The following DCN variants were observed in gnomAD, a reference collection of about 807,000 sequenced individuals.
DCN encodes bone proteoglycan II.
DCN carries 17 observed loss-of-function variants against 36.5 expected under a neutral mutation model. The ratio of observed to expected loss-of-function variants is 0.47; its 90% confidence interval spans 0.32 to 0.70. DCN has a LOEUF of 0.70. Among genes scored for constraint, DCN ranks in the 30% least tolerant of loss-of-function variants. The pLI, the probability that DCN is intolerant of heterozygous loss-of-function variation, is 0.04. For synonymous variants in DCN, 163 were observed against 161.4 expected (o/e 1.01, Z -0.07); for missense variants, 389 against 430.1 (o/e 0.90, Z 0.84).
chr12:91,166,869 G>T (rs184370164), intron 2 of DCN, among the ~76,000 whole-genome samples: 28 of 152,122 alleles, frequency 1.8e-4, no homozygotes, highest in African/African-American at 6.0e-4. Context: ...TCTACAACCT[G>T]CTCTGAATTA....
At chr12:91,148,115 C>G (rs532305955) in intron 7 of DCN, among the ~76,000 whole-genome samples, 4 of 150,332 alleles carry the variant, frequency 2.7e-5, no homozygotes, top group Non-Finnish European at 5.9e-5. Context: ...GCGCTGTTAT[C>G]CAGGCTGAAG....
At chr12:91,162,573 A>G (rs1882229954) in intron 3 of DCN, among the ~76,000 whole-genome samples, 1 of 152,186 alleles carries the variant, frequency 6.6e-6, no homozygotes, top group South Asian at 2.1e-4. Flanking sequence ...AGAATAAATA[A>G]GTAGATATGA....
At chr12:91,166,379 G>A (rs902332314) in intron 2 of DCN, among the ~76,000 whole-genome samples, 1 of 152,152 alleles carries the variant, frequency 6.6e-6, no homozygotes, top group African/African-American at 2.4e-5. Flanking sequence ...ACACTGTACA[G>A]TTGTAATCAC....
At chr12:91,162,798 A>C (rs1457550916) in intron 3 of DCN, among the ~76,000 whole-genome samples, 1 of 152,224 alleles carries the variant, frequency 6.6e-6, no homozygotes, top group Non-Finnish European at 1.5e-5. Flanking sequence ...GGATTCTGTC[A>C]TCTTGTAGTT....
At chr12:91,178,193 C>T (rs1465573250) in intron 2 of DCN, 149 bp downstream of exon 2, 59 of 701,414 alleles carry the variant, frequency 8.4e-5, no homozygotes, top group Non-Finnish European at 1.3e-4. Flanking sequence ...ACTTTTCTTT[C>T]TATCCTGTTC....
intron 2 of DCN, chr12:91,172,138 G>T (rs1269423909): frequency 6.7e-6 from 1 of 148,322 alleles, no homozygotes; most frequent in African/African-American, 2.6e-5. Context: ...AGACTAGTAA[G>T]AAATAGACTT....
rs1334588498 is a variant in DCN at position 91,145,688 on chromosome 12, T to C, written c.*370A>G. ...GCATTTGACTTTATCTCAAATGAGC[T>C]AACTGCTCAATGAATTACAGAAGAC... is the stretch of plus-strand genomic sequence containing the variant. On this transcript the variant is annotated 3_prime_UTR_variant, in exon 8 of 8. Transcript: ENST00000052754. The C allele has an allele frequency of 2.7e-6, 1 of 371,630 alleles. No individual in the cohort carries two copies. Among genetic ancestry groups the C allele is most frequent in the Non-Finnish European group, 5.2e-6 (1 of 194,034 alleles). 23.0% of individuals were successfully genotyped at this position (371,630 alleles called of 1,614,324 possible).
At chr12:91,170,325 A>G (rs1882878185) in intron 2 of DCN, among the ~76,000 whole-genome samples, 1 of 152,056 alleles carries the variant, frequency 6.6e-6, no homozygotes, top group Non-Finnish European at 1.5e-5. Flanking sequence ...TTTCTGTACA[A>G]TTACTATGCA....
intron 5 of DCN, among the ~76,000 whole-genome samples, chr12:91,156,810 G>T (rs770623174): frequency 1.3e-5 from 2 of 151,214 alleles, no homozygotes; most frequent in Non-Finnish European, 2.9e-5. Context: ...TCTTAAACTA[G>T]ACATTAACAG....
Position 91,177,411 on chromosome 12 carries a change from C to A in DCN, c.211+931G>T, listed in dbSNP as rs1387880733. 1.2e-5 allele frequency: 7 copies of A among 581,014 alleles called. No homozygotes were observed. The South Asian group carries it at 1.5e-4, about 13-fold the overall frequency. 36.0% of individuals were successfully genotyped at this position (581,014 alleles called of 1,614,324 possible). ...AGTGCCTGATCATAGTATGGAATTT[C>A]TTCCAGAAGGAAGTACACATGGCGG... On this transcript the variant is annotated intron_variant, in intron 2 of 7. Coordinates refer to ENST00000052754, the MANE Select transcript of DCN (RefSeq NM_001920.5).
rs541285181 is a variant in DCN, at chr12:91,177,859, G to A, written c.211+483C>T. ...AAGATTTTGTCATAAAATTTGATGT[G>A]TTTTGCTTTTGATAACTGATTATTT... On this transcript the variant is annotated intron_variant, in intron 2 of 7. Coordinates refer to ENST00000052754, the MANE Select transcript of DCN (RefSeq NM_001920.5). 8 of 559,126 alleles carry A rather than the reference G, an allele frequency of 1.4e-5. No individual in the cohort carries two copies. In the East Asian group the frequency reaches 2.9e-4, roughly 20 times the overall value. 34.6% of individuals were successfully genotyped at this position (559,126 alleles called of 1,614,324 possible).
chr12:91,158,550 C>G (rs773085500), intron 3 of DCN, 41 bp from the exon 4 acceptor site: 4 of 1,007,916 alleles, frequency 4.0e-6, no homozygotes, highest in Non-Finnish European at 6.4e-6. Context: ...AATCCAAAAC[C>G]TTCCACATAC....
intron 2 of DCN, chr12:91,177,559 A>G: frequency 1.4e-6 from 1 of 702,148 alleles, no homozygotes. Context: ...CCATCCACTG[A>G]GCTTCAATCT....
At chr12:91,157,740 T>A (rs1035708870) in intron 4 of DCN, among the ~76,000 whole-genome samples, 2 of 152,068 alleles carry the variant, frequency 1.3e-5, no homozygotes, top group African/African-American at 4.8e-5. Flanking sequence ...GCCATTCTCC[T>A]GCCTCAGCCT....
Position 91,151,752 on chromosome 12 carries a change from C to G in DCN, c.787G>C (p.Gly263Arg), listed in dbSNP as rs376820608. Residue 263 changes from glycine to arginine, a missense_variant, in exon 7 of 8, where the codon GGC (glycine) becomes CGC (arginine). Transcript: ENST00000052754. ...SFNSISAVDNGSLANTPHLRE... is the reference protein window; with the variant it reads ...SFNSISAVDNRSLANTPHLRE... ...AGATGAGGCGTGTTGGCCAGAGAGC[C>G]ATTGTCAACAGCAGAGATGCTGTTG... The G allele has an allele frequency of 7.4e-6, 12 of 1,613,962 alleles. No homozygotes were observed. In the African/African-American group the frequency reaches 1.6e-4, roughly 22 times the overall value.
rs904312692 is a variant in DCN at position 91,142,538 on chromosome 12, A to G, written c.*3520T>C. 7 of 152,234 alleles carry G rather than the reference A, an allele frequency of 4.6e-5. No individual in the cohort carries two copies. Among genetic ancestry groups the G allele is most frequent in the Non-Finnish European group, 8.8e-5 (6 of 68,028 alleles). The allele number at this position is 152,234 out of a possible 1,614,324, so 9.4% of individuals were successfully genotyped here. A position where few individuals can be genotyped will look rare whatever the true frequency, so the allele number is the denominator to read the frequency against. On this transcript the variant is annotated 3_prime_UTR_variant, in exon 8 of 8. Coordinates refer to ENST00000052754, the MANE Select transcript of DCN (RefSeq NM_001920.5). ...ATGATTCAGACAAATGAATGAGCAG[A>G]AGAAGAGGAGATCCAAGTTATGCCT...
intron 5 of DCN, among the ~76,000 whole-genome samples, chr12:91,155,791 C>G (rs1249155323): frequency 1.3e-5 from 2 of 152,090 alleles, no homozygotes; most frequent in Non-Finnish European, 1.5e-5. Flanking sequence ...CAGTCTTTAT[C>G]ATCTATGTAT....
chr12:91,151,380 A>G, intron 7 of DCN: 1 of 404,108 alleles, frequency 2.5e-6, no homozygotes, highest in Non-Finnish European at 4.6e-6. Flanking sequence ...TATGGCACCA[A>G]CATCACCACC....
Position 91,142,252 on chromosome 12 carries a change from G to C in DCN, c.*3806C>G, listed in dbSNP as rs1880777238. ...GAATGTCTGTGCTGCAGGAGAGTCT[G>C]AAGGACAGTGAAGTCTTGTGAAGAG... is the stretch of plus-strand genomic sequence containing the variant. On this transcript the variant is annotated 3_prime_UTR_variant, in exon 8 of 8. Transcript: ENST00000052754. 1 of 152,218 alleles carries C rather than the reference G, an allele frequency of 6.6e-6. No individual in the cohort carries two copies. Among genetic ancestry groups the C allele is most frequent in the South Asian group, 2.1e-4 (1 of 4,832 alleles). 9.4% of individuals were successfully genotyped at this position (152,218 alleles called of 1,614,324 possible).
Sources: allele counts gnomAD v4.1 joint callset (sites outside exome capture counted in the v4.1 genomes callset), GRCh38; gene constraint gnomAD v4.1.1; transcripts MANE v1.5; gene names NCBI Gene and HGNC (gene_info 2026-07-23, HGNC 2026-07-21).